Variants in SLIT1 observed in about 807,000 individuals in gnomAD.
SLIT1 encodes the protein slit homolog 1 protein.
SLIT1 carries 66 observed loss-of-function variants against 186.1 expected under a neutral mutation model. The observed-to-expected ratio is 0.35, with a 90% confidence interval of 0.29 to 0.44. The LOEUF (loss-of-function observed/expected upper bound fraction) is 0.44. Ranked by LOEUF, SLIT1 falls within the 20% of genes least tolerant of loss-of-function variation. The pLI is 1.00. For synonymous variants in SLIT1, 761 were observed against 833.8 expected, an observed-to-expected ratio of 0.91 and a Z score of 1.50; for missense variants, 1,638 against 2,037.4, an observed-to-expected ratio of 0.80 and a Z score of 3.77.
chr10:97,064,704 C>T (rs939632257), intron 6 of SLIT1, 101 bp downstream of exon 6: 1 of 807,812 alleles, frequency 1.2e-6, no homozygotes, highest in Non-Finnish European at 2.0e-6. Context: ...GCAGGTCTCT[C>T]CCTTCCTGTC....
At chr10:97,012,381 T>C (rs117082836) in intron 30 of SLIT1, among the ~76,000 whole-genome samples, 1,963 of 152,278 alleles carry the variant, frequency 0.013, 12 homozygotes, top group Non-Finnish European at 0.021. Flanking sequence ...TGGATATATA[T>C]CTTGGGTTCC....
intron 14 of SLIT1, 84 bp from the exon 15 acceptor site, chr10:97,048,080 C>T: frequency 6.8e-7 from 1 of 1,462,624 alleles, no homozygotes; most frequent in Non-Finnish European, 9.6e-7. Flanking sequence ...CACTGCTCAG[C>T]TGAAGGCACC....
At chr10:97,031,937 G>A (rs1848595264) in intron 23 of SLIT1, among the ~76,000 whole-genome samples, 1 of 152,238 alleles carries the variant, frequency 6.6e-6, no homozygotes, top group Non-Finnish European at 1.5e-5. Flanking sequence ...ACTCCATAGG[G>A]CTGTCCTGGG....
At chr10:97,086,160 A>T (rs1373687539) in intron 4 of SLIT1, among the ~76,000 whole-genome samples, 1 of 152,266 alleles carries the variant, frequency 6.6e-6, no homozygotes, top group Non-Finnish European at 1.5e-5. Flanking sequence ...ATGGGTGTTT[A>T]TGGCAGCTTT....
chr10:97,078,574 G>A (rs1364765712), intron 4 of SLIT1, among the ~76,000 whole-genome samples: 1 of 152,196 alleles, frequency 6.6e-6, no homozygotes. Context: ...GTTCAGCCCT[G>A]CCAAGGAACA....
At chr10:97,059,264 C>A (rs546260186) in intron 11 of SLIT1, among the ~76,000 whole-genome samples, 196 bp downstream of exon 11, 2 of 152,366 alleles carry the variant, frequency 1.3e-5, no homozygotes, top group East Asian at 3.9e-4. Context: ...GGAGGGTCCA[C>A]CAGTGAGGAA....
chr10:97,138,175 T>A (rs1307131695), intron 4 of SLIT1, among the ~76,000 whole-genome samples: 1 of 152,228 alleles, frequency 6.6e-6, no homozygotes, highest in Non-Finnish European at 1.5e-5. Context: ...GCATTTTACA[T>A]ACGCGGGTTC....
chr10:97,014,941 G>A (rs1848442342), intron 28 of SLIT1, among the ~76,000 whole-genome samples: 1 of 151,948 alleles, frequency 6.6e-6, no homozygotes. Flanking sequence ...CATCCACACA[G>A]TCCAATACTT....
intron 4 of SLIT1, among the ~76,000 whole-genome samples, chr10:97,073,877 A>C (rs1433655085): frequency 1.3e-5 from 2 of 151,924 alleles, no homozygotes; most frequent in African/African-American, 4.8e-5. Flanking sequence ...CTACTCCCTC[A>C]CCTCTGCTGA....
At chr10:97,176,484 C>T (rs1404055084) in intron 1 of SLIT1, among the ~76,000 whole-genome samples, 1 of 152,174 alleles carries the variant, frequency 6.6e-6, no homozygotes, top group African/African-American at 2.4e-5. Context: ...GCAGGCAACT[C>T]TCTCCTGAGC....
intron 18 of SLIT1, 75 bp downstream of exon 18, chr10:97,046,579 C>G: frequency 7.0e-7 from 1 of 1,438,666 alleles, no homozygotes; most frequent in Non-Finnish European, 9.2e-7. Flanking sequence ...CTCCTCCAGC[C>G]TCTCTCTTCC....
chr10:97,090,289 T>C (rs576743942), intron 4 of SLIT1, among the ~76,000 whole-genome samples: 169 of 152,234 alleles, frequency 1.1e-3, no homozygotes, highest in African/African-American at 4.0e-3. Flanking sequence ...CTTCCCTGTC[T>C]GTCAAGGGAG....
At position 97,110,775 on chromosome 10, in the gene SLIT1, G is replaced by T. The variant is rs556567654; in HGVS notation, c.414-44689C>A. 4.4e-4 allele frequency among the ~76,000 whole-genome samples: 67 copies of T among 152,268 alleles called. 1 individual carries two copies. In the Middle Eastern group the frequency reaches 0.01, roughly 23 times the overall value. Reference sequence around the variant, plus strand: ...CGGGACCTTCCTGCAGCTTTGCTACGTTCTTTTGCTTAAGTTTGGTGGTGA... The same window carrying T: ...CGGGACCTTCCTGCAGCTTTGCTACTTTCTTTTGCTTAAGTTTGGTGGTGA... On this transcript the variant is annotated intron_variant, in intron 4 of 36. Coordinates refer to ENST00000266058, the MANE Select transcript of SLIT1 (RefSeq NM_003061.3).
At chr10:97,152,081 C>T (rs2134713824) in intron 4 of SLIT1, among the ~76,000 whole-genome samples, 1 of 152,268 alleles carries the variant, frequency 6.6e-6, no homozygotes, top group South Asian at 2.1e-4. Flanking sequence ...CTACTTGCTC[C>T]ATGTTTGCTC....
intron 7 of SLIT1, 85 bp downstream of exon 7, chr10:97,064,083 G>C: frequency 8.7e-7 from 1 of 1,150,764 alleles, no homozygotes; most frequent in Non-Finnish European, 1.3e-6. Context: ...TGACCTGTCT[G>C]CAAAACCTTC....
At chr10:97,002,484 A>T in intron 35 of SLIT1, 115 bp from the exon 36 acceptor site, 1 of 685,830 alleles carries the variant, frequency 1.5e-6, no homozygotes, top group Non-Finnish European at 2.3e-6. Context: ...ACAGGTCTTT[A>T]ATCTGTTCCC....
rs181963912 is a variant in SLIT1, at chr10:97,128,278, C to T, written c.413+29540G>A. ...GGGAGTCCCAGGGGGCTCTTCATCA[C>T]ATTTGAGACACAAACCTTTTGAACA... is the stretch of plus-strand genomic sequence containing the variant. On this transcript the variant is annotated intron_variant, in intron 4 of 36. Transcript: ENST00000266058. Among the ~76,000 whole-genome samples, 582 of 152,290 alleles carry T rather than the reference C, an allele frequency of 3.8e-3. 2 individuals are homozygous for T. Among genetic ancestry groups the T allele is most frequent in the African/African-American group, 0.011 (448 of 41,556 alleles).
chr10:97,013,872 C>G, intron 29 of SLIT1, 38 bp from the exon 30 acceptor site: 1 of 1,541,050 alleles, frequency 6.5e-7, no homozygotes. Flanking sequence ...AGAGAAGCTG[C>G]TCTCCTGTGC....
At position 97,010,175 on chromosome 10, in the gene SLIT1, G is replaced by C. The variant is rs1268693192; in HGVS notation, c.3341+818C>G. The stretch of plus-strand genomic sequence containing the variant: ...ACAACCTAAATGCCTATCAACTGAT[G>C]AGTGGGTAAACAAAATGTGGTATGT... On this transcript the variant is annotated intron_variant, in intron 31 of 36. Coordinates refer to ENST00000266058, the MANE Select transcript of SLIT1 (RefSeq NM_003061.3). This position sits in a 1 kb window ranked among gnomAD's most constrained non-coding sequence, Gnocchi z 4.8. 2.0e-5 allele frequency among the ~76,000 whole-genome samples: 3 copies of C among 152,244 alleles called. No individual in the cohort carries two copies. Among genetic ancestry groups the C allele is most frequent in the African/African-American group, 7.2e-5 (3 of 41,460 alleles).
Sources: gnomAD v4.1 joint callset for allele counts (sites outside exome capture counted in the v4.1 genomes callset) on GRCh38, gnomAD v4.1.1 for gene constraint, Gnocchi (gnomAD v3.1) non-coding constraint, MANE v1.5 for transcripts, NCBI Gene and HGNC (gene_info 2026-07-23, HGNC 2026-07-21) for gene names.